The following ATP9A variants were observed in gnomAD, a reference collection of about 807,000 sequenced individuals.
ATP9A encodes ATPase phospholipid transporting 9A.
Under a neutral mutation model 144.1 loss-of-function variants are expected in ATP9A, and 52 were observed. That is an observed-to-expected ratio of 0.36 (90% CI 0.29 to 0.45). The LOEUF is 0.45. Among genes scored for constraint, ATP9A ranks in the 20% least tolerant of loss-of-function variants. The pLI is 1.00. For missense variants in ATP9A, 947 were observed against 1,392.7 expected (o/e 0.68, Z 5.09); for synonymous variants, 582 against 557.4 (o/e 1.04, Z -0.62).
chr20:51,719,749 G>GAAAAAA (rs1343871320), intron 3 of ATP9A, among the ~76,000 whole-genome samples: 2,585 of 128,528 alleles, frequency 0.02, 73 homozygotes, highest in East Asian at 0.031. Flanking sequence ...AAAAAAAGGG[G>GAAAAAA]GGGGAAGAAG....
At chr20:51,680,526 A>G (rs1361950456) in intron 9 of ATP9A, among the ~76,000 whole-genome samples, 3 of 152,082 alleles carry the variant, frequency 2.0e-5, no homozygotes, top group Non-Finnish European at 4.4e-5. Flanking sequence ...TCAGCCTTGC[A>G]GCCCTGCATT....
At chr20:51,631,403 T>G (rs2077269202) in intron 15 of ATP9A, among the ~76,000 whole-genome samples, 1 of 152,100 alleles carries the variant, frequency 6.6e-6, no homozygotes, top group Non-Finnish European at 1.5e-5. Flanking sequence ...GTTTTATTTT[T>G]TCCTTCCCCC....
rs116039220 is a variant in ATP9A, at chr20:51,677,107, T to G, written c.800-899A>C. Among the ~76,000 whole-genome samples the G allele has an allele frequency of 4.2e-3, 631 of 150,840 alleles. 4 individuals carry two copies. Among genetic ancestry groups the G allele is most frequent in the African/African-American group, 0.014 (584 of 40,952 alleles). On this transcript the variant is annotated intron_variant, in intron 9 of 27. Transcript: ENST00000338821. ...TGCCACCATGCTTGGCTAATTTTTGTTTTTTTTGTAGAAATGAGGTCTCAC... is the reference window on the plus strand; with the variant it reads ...TGCCACCATGCTTGGCTAATTTTTGGTTTTTTTGTAGAAATGAGGTCTCAC...
intron 3 of ATP9A, among the ~76,000 whole-genome samples, chr20:51,721,809 A>G (rs2077690581): frequency 6.6e-6 from 1 of 150,636 alleles, no homozygotes; most frequent in African/African-American, 2.4e-5. Context: ...TCAAAAAAAA[A>G]AAAAAAGAAA....
At chr20:51,720,516 G>C (rs2077684090) in intron 3 of ATP9A, among the ~76,000 whole-genome samples, 1 of 152,110 alleles carries the variant, frequency 6.6e-6, no homozygotes, top group Non-Finnish European at 1.5e-5. Flanking sequence ...CAGCTCTAGG[G>C]CATCTCAGTT....
In ATP9A at chr20:51,604,737, C is replaced by T. The variant is rs1015766897; in HGVS notation, c.3007+80G>A. On this transcript the variant is annotated intron_variant, in intron 27 of 27. Coordinates refer to ENST00000338821, the MANE Select transcript of ATP9A (RefSeq NM_006045.3). ...CCCAGGCCGAGCGCTGGGAACCCCC[C>T]TTCCTTCATACGGCAGTGAGACCTC... The T allele has an allele frequency of 4.1e-4, 532 of 1,305,124 alleles. 1 individual carries two copies. The highest frequency in any genetic ancestry group is 5.0e-4 in the Non-Finnish European group (503 of 996,718). 80.8% of individuals were successfully genotyped at this position (1,305,124 alleles called of 1,614,324 possible). A position where few individuals can be genotyped will look rare whatever the true frequency, so the allele number is the denominator to read the frequency against.
chr20:51,726,899 T>TC (rs1216967096), intron 2 of ATP9A, among the ~76,000 whole-genome samples: 1 of 78,348 alleles, frequency 1.3e-5, no homozygotes, highest in Non-Finnish European at 2.9e-5. Flanking sequence ...CTTTTTTTTT[T>TC]TTTTTTTTTT....
intron 15 of ATP9A, among the ~76,000 whole-genome samples, chr20:51,629,904 C>A (rs2122734059): frequency 6.6e-6 from 1 of 152,342 alleles, no homozygotes; most frequent in East Asian, 1.9e-4. Context: ...ATGGAAAGGA[C>A]CCCTCAGTGG....
intron 2 of ATP9A, among the ~76,000 whole-genome samples, chr20:51,729,588 T>C (rs2077731221): frequency 1.3e-5 from 2 of 151,932 alleles, no homozygotes; most frequent in Admixed American, 6.6e-5. Flanking sequence ...CTACTAAAAA[T>C]ACAAAAATTA....
intron 1 of ATP9A, among the ~76,000 whole-genome samples, chr20:51,747,661 A>C (rs1336187838): frequency 6.6e-6 from 1 of 152,226 alleles, no homozygotes; most frequent in Non-Finnish European, 1.5e-5. Context: ...ATGGGCAGTC[A>C]GGGATGCTGG....
chr20:51,681,367 T>C (rs1356259537), intron 9 of ATP9A, among the ~76,000 whole-genome samples: 1 of 152,186 alleles, frequency 6.6e-6, no homozygotes, highest in Admixed American at 6.6e-5. Context: ...TCCTTTTTAC[T>C]GATTTTGGAG....
chr20:51,681,821 A>G (rs2077501099), intron 9 of ATP9A, among the ~76,000 whole-genome samples: 1 of 152,218 alleles, frequency 6.6e-6, no homozygotes, highest in African/African-American at 2.4e-5. Flanking sequence ...AACGGACCTC[A>G]GCACCGAACA....
In ATP9A at chr20:51,596,711, A is replaced by C. The variant is rs2077120961; in HGVS notation, c.*4500T>G. Reference sequence around the variant, plus strand: ...ATAAAGAAAAAATAGGAGCGTTATAATAAAAAGTCCTCATTTTGATACCAG... The same window carrying C: ...ATAAAGAAAAAATAGGAGCGTTATACTAAAAAGTCCTCATTTTGATACCAG... On this transcript the variant is annotated 3_prime_UTR_variant, in exon 28 of 28. Coordinates refer to ENST00000338821, the MANE Select transcript of ATP9A (RefSeq NM_006045.3). 1 of 152,188 alleles carries C rather than the reference A, an allele frequency of 6.6e-6. No individual in the cohort carries two copies. Among genetic ancestry groups the C allele is most frequent in the African/African-American group, 2.4e-5 (1 of 41,442 alleles). 9.4% of individuals were successfully genotyped at this position (152,188 alleles called of 1,614,324 possible).
At chr20:51,610,705 A>G (rs1274416452) in intron 23 of ATP9A, among the ~76,000 whole-genome samples, 2 of 152,098 alleles carry the variant, frequency 1.3e-5, no homozygotes, top group African/African-American at 4.8e-5. Context: ...TCACCTCTGT[A>G]GGCATGCACG....
intron 1 of ATP9A, among the ~76,000 whole-genome samples, chr20:51,733,736 C>G (rs374348506): frequency 6.6e-6 from 1 of 151,216 alleles, no homozygotes; most frequent in East Asian, 1.9e-4. Flanking sequence ...TACAGTGGTA[C>G]AATCACAGCT....
chr20:51,651,137 CCTCTCT>C (rs934220515), intron 14 of ATP9A, among the ~76,000 whole-genome samples: 1 of 92,940 alleles, frequency 1.1e-5, no homozygotes, highest in Admixed American at 1.3e-4. Context: ...CTGTACTGGT[CCTCTCT>C]CTCTCTCTCC....
rs774262351 is a variant in ATP9A at position 51,671,215 on chromosome 20, C to G, written c.1080G>C (p.Trp360Cys). The G allele has an allele frequency of 6.2e-7, 1 of 1,614,140 alleles. No individual in the cohort carries two copies. Among genetic ancestry groups the G allele is most frequent in the South Asian group, 1.1e-5 (1 of 91,078 alleles). Residue 360 changes from tryptophan (W) to cysteine (C), a missense_variant, in exon 12 of 28, where the codon TGG becomes TGC. Trp to Cys is a radical substitution (Grantham distance 215, BLOSUM62 -2). Coordinates refer to ENST00000338821, the MANE Select transcript of ATP9A (RefSeq NM_006045.3). ...GGATTTTCGAGTCCCTTCGAATCAC[C>G]CAGCTGTACACGATCTTGCCCATGT... ...NLDMGKIVYS[W>C]VIRRDSKIPG...
At chr20:51,648,233 A>C (rs900774901) in intron 14 of ATP9A, among the ~76,000 whole-genome samples, 8 of 152,282 alleles carry the variant, frequency 5.3e-5, no homozygotes, top group East Asian at 1.9e-4. Context: ...ATAAAAAAAC[A>C]AACCAACCAA....
chr20:51,725,902 T>G lies in ATP9A; in HGVS notation c.244A>C (p.Asn82His). Residue 82 changes from asparagine (N) to histidine (H), a missense_variant, in exon 3 of 28, where the codon AAC becomes CAC. Around this residue, in one of 2 missense-constraint regions of ATP9A, gnomAD observed 770 missense variants for 1,047.9 expected, o/e 0.73. Coordinates refer to ENST00000338821, the MANE Select transcript of ATP9A (RefSeq NM_006045.3). ...CAGGCAAGAAGTAAGAAATAGAGGTTGAAAAAGTATTTGAACTGGTTGAAC... is the reference window on the plus strand; with the variant it reads ...CAGGCAAGAAGTAAGAAATAGAGGTGGAAAAAGTATTTGAACTGGTTGAAC... ...VLFNQFKYFF[N>H]LYFLLLACSQ... 2 of 1,613,542 alleles carry G rather than the reference T, an allele frequency of 1.2e-6. No individual in the cohort carries two copies. Among genetic ancestry groups the G allele is most frequent in the Non-Finnish European group, 1.7e-6 (2 of 1,179,466 alleles).
Sources: allele counts gnomAD v4.1 joint callset (sites outside exome capture counted in the v4.1 genomes callset), GRCh38; gene constraint gnomAD v4.1.1; regional missense constraint gnomAD v4.1.1; transcripts MANE v1.5; gene names NCBI Gene and HGNC (gene_info 2026-07-23, HGNC 2026-07-21).